PRKN: variants seen among roughly 807,000 people sequenced by gnomAD.
The protein encoded by PRKN is E3 ubiquitin-protein ligase parkin.
PRKN carries 56 observed loss-of-function variants against 59.5 expected under a neutral mutation model. The observed-to-expected ratio is 0.94, with a 90% CI of 0.76 to 1.18. PRKN has a LOEUF of 1.18. Ranked by LOEUF, PRKN falls within the 50% of genes most tolerant of loss-of-function variation. The pLI, the probability that PRKN is intolerant of heterozygous loss-of-function variation, is 0.00. For synonymous variants in PRKN, 250 were observed against 222.1 expected (o/e 1.13, Z -1.12); for missense variants, 657 against 596.4 (o/e 1.10, Z -1.06).
intron 2 of PRKN, among the ~76,000 whole-genome samples, chr6:162,340,821 A>G (rs2128128108): frequency 6.6e-6 from 1 of 152,338 alleles, no homozygotes; most frequent in African/African-American, 2.4e-5. Context: ...AAACCCCAGA[A>G]GAAAACCTAG....
At chr6:161,421,136 G>A (rs879650033) in intron 9 of PRKN, among the ~76,000 whole-genome samples, 1 of 152,182 alleles carries the variant, frequency 6.6e-6, no homozygotes, top group Non-Finnish European at 1.5e-5. Flanking sequence ...AAGTTCACCT[G>A]GGTGAGCCTT....
At chr6:161,567,037 T>TTTTTTGTGTG (rs548743646) in intron 8 of PRKN, among the ~76,000 whole-genome samples, 4 of 103,768 alleles carry the variant, frequency 3.9e-5, no homozygotes, top group Non-Finnish European at 7.6e-5. Flanking sequence ...TTTTTTTTTT[T>TTTTTTGTGTG]TGTGTGTGTG....
intron 2 of PRKN, among the ~76,000 whole-genome samples, chr6:162,410,253 C>T (rs1583524192): frequency 6.6e-6 from 1 of 151,966 alleles, no homozygotes; most frequent in African/African-American, 2.4e-5. Flanking sequence ...CTGCTCTGGC[C>T]CCCAGGAAGT....
At chr6:162,696,984 T>C (rs946058973) in intron 1 of PRKN, among the ~76,000 whole-genome samples, 1 of 152,226 alleles carries the variant, frequency 6.6e-6, no homozygotes, top group African/African-American at 2.4e-5. Flanking sequence ...TCTATAAATA[T>C]TAACAATGCT....
At position 161,973,373 on chromosome 6, in the gene PRKN, T is replaced by C. The variant is rs551801791; in HGVS notation, c.663A>G (p.Glu221=). The change falls in exon 6 of 12, where the codon GAA becomes GAG. Residue 221 remains glutamate (E), a synonymous_variant. Transcript: ENST00000366898. ...CGATCAGGTGCAAAGCTACTGATGT[T>C]TCCTTGTCAGAGGTGGGGTGTGCTC... ...KCGAHPTSDK[E]TSVALHLIAT... 5 of 1,613,832 alleles carry C rather than the reference T, an allele frequency of 3.1e-6. No homozygotes were observed. The highest frequency in any genetic ancestry group is 4.2e-6 in the Non-Finnish European group (5 of 1,179,816).
intron 9 of PRKN, among the ~76,000 whole-genome samples, chr6:161,426,687 T>C (rs1243302145): frequency 1.3e-5 from 1 of 76,758 alleles, no homozygotes; most frequent in Non-Finnish European, 3.1e-5. Context: ...CTCCTATTAG[T>C]TCTGTCCCTC....
chr6:162,580,065 G>A (rs1240919947), intron 1 of PRKN, among the ~76,000 whole-genome samples: 1 of 152,140 alleles, frequency 6.6e-6, no homozygotes, highest in African/African-American at 2.4e-5. Context: ...TGTGAAGTGG[G>A]CTGAAGAGTT....
intron 2 of PRKN, among the ~76,000 whole-genome samples, chr6:162,399,058 G>A (rs1787629111): frequency 6.6e-6 from 1 of 152,124 alleles, no homozygotes; most frequent in Non-Finnish European, 1.5e-5. Flanking sequence ...TTCTCCTAGG[G>A]AAACTTCCAT....
chr6:161,437,058 G>A (rs758297616), intron 9 of PRKN, among the ~76,000 whole-genome samples: 2 of 152,050 alleles, frequency 1.3e-5, no homozygotes, highest in African/African-American at 4.8e-5. Flanking sequence ...GGGTAGTACC[G>A]ACCCTATATA....
intron 1 of PRKN, among the ~76,000 whole-genome samples, chr6:162,602,416 G>T (rs1217668139): frequency 2.6e-5 from 4 of 152,192 alleles, no homozygotes; most frequent in Non-Finnish European, 4.4e-5. Context: ...GGCCACAGAG[G>T]TGGGTGAAGC....
At chr6:161,702,625 G>A (rs1786301611) in intron 7 of PRKN, among the ~76,000 whole-genome samples, 1 of 152,124 alleles carries the variant, frequency 6.6e-6, no homozygotes, top group African/African-American at 2.4e-5. Flanking sequence ...ATGGGTGGTG[G>A]TGATGGTTGC....
intron 6 of PRKN, among the ~76,000 whole-genome samples, chr6:161,862,597 G>T (rs1247916334): frequency 3.3e-5 from 5 of 152,084 alleles, no homozygotes; most frequent in Admixed American, 1.3e-4. Flanking sequence ...CCCCAGCCTG[G>T]AGTAACGGGG....
intron 4 of PRKN, among the ~76,000 whole-genome samples, chr6:162,073,573 C>T (rs867807762): frequency 6.6e-6 from 1 of 152,086 alleles, no homozygotes; most frequent in Non-Finnish European, 1.5e-5. Flanking sequence ...CACCTCAGCC[C>T]CCTAAGTAGC....
At chr6:161,657,792 G>A (rs1437258307) in intron 7 of PRKN, among the ~76,000 whole-genome samples, 7 of 152,160 alleles carry the variant, frequency 4.6e-5, no homozygotes, top group Middle Eastern at 3.4e-3. Context: ...TTGGGAGGCC[G>A]TGGTGGGTGA....
chr6:162,029,745 T>C (rs527476256), intron 5 of PRKN, among the ~76,000 whole-genome samples: 133 of 152,322 alleles, frequency 8.7e-4, no homozygotes, highest in Non-Finnish European at 1.5e-3. Context: ...TTGTTGTTGT[T>C]ATCATTGGAA....
chr6:162,092,811 G>A (rs1038448255), intron 4 of PRKN, among the ~76,000 whole-genome samples: 1 of 152,084 alleles, frequency 6.6e-6, no homozygotes, highest in Admixed American at 6.6e-5. Context: ...ATAAACATTC[G>A]GATGCTGACG....
chr6:162,228,282 T>C (rs563336458), intron 3 of PRKN, among the ~76,000 whole-genome samples: 6 of 152,300 alleles, frequency 3.9e-5, no homozygotes, highest in Admixed American at 3.3e-4. Context: ...GGCTGTGGAA[T>C]TGACTTCTTA....
intron 7 of PRKN, among the ~76,000 whole-genome samples, chr6:161,687,079 T>A (rs1252907815): frequency 6.6e-6 from 1 of 151,988 alleles, no homozygotes; most frequent in Non-Finnish European, 1.5e-5. Context: ...GAATGGACAA[T>A]CCTCTTTTTT....
chr6:161,895,678 T>C (rs9456723), intron 6 of PRKN, among the ~76,000 whole-genome samples: 5,607 of 56,832 alleles, frequency 0.099, 259 homozygotes, highest in African/African-American at 0.24. Context: ...CCCCTCCTGC[T>C]GTTATGCCCC....
Sources: allele counts gnomAD v4.1 joint callset (sites outside exome capture counted in the v4.1 genomes callset), GRCh38; gene constraint gnomAD v4.1.1; transcripts MANE v1.5; gene names NCBI Gene and HGNC (gene_info 2026-07-23, HGNC 2026-07-21).